SLC2A14: variants seen among roughly 807,000 people sequenced by gnomAD.
The protein encoded by SLC2A14 is solute carrier family 2, facilitated glucose transporter member 14.
SLC2A14 carries 13 observed loss-of-function variants against 43.0 expected under a neutral mutation model. The ratio of observed to expected loss-of-function variants is 0.30; its 90% confidence interval spans 0.20 to 0.48. SLC2A14 has a LOEUF of 0.48. SLC2A14 is among the 20% of genes least tolerant of loss of function. The pLI, the probability that SLC2A14 is intolerant of heterozygous loss-of-function variation, is 0.99. For missense variants in SLC2A14, 428 were observed against 620.4 expected, an observed-to-expected ratio of 0.69 and a Z score of 3.29; for synonymous variants, 190 against 233.8, an observed-to-expected ratio of 0.81 and a Z score of 1.71.
intron 2 of SLC2A14, among the ~76,000 whole-genome samples, chr12:7,864,545 A>G (rs1011263916): frequency 6.6e-6 from 1 of 151,966 alleles, no homozygotes; most frequent in Non-Finnish European, 1.5e-5. Context: ...TCACCATGTT[A>G]GCCAGGATGG....
chr12:7,846,504 T>C (rs931833942), intron 2 of SLC2A14, among the ~76,000 whole-genome samples: 3 of 152,112 alleles, frequency 2.0e-5, no homozygotes, highest in East Asian at 1.9e-4. Flanking sequence ...TTTTCTTTAT[T>C]GGTCTTTTTC....
chr12:7,827,640 A>G lies in SLC2A14; in HGVS notation c.719T>C (p.Ile240Thr), dbSNP rs1481347363. The G allele has an allele frequency of 1.2e-6, 2 of 1,612,798 alleles. No individual in the cohort carries two copies. Among genetic ancestry groups the G allele is most frequent in the Admixed American group, 1.7e-5 (1 of 59,752 alleles). The change falls in exon 7 of 11, where the codon ATC becomes ACC. Residue 240 changes from isoleucine to threonine, a missense_variant. By Grantham distance (89) the Ile-to-Thr change is moderately conservative. Around this residue, in one of 4 missense-constraint regions of SLC2A14, gnomAD observed 185 missense variants for 275.4 expected, o/e 0.67. Coordinates refer to ENST00000431042, the MANE Select transcript of SLC2A14 (RefSeq NM_001286234.2). ...LWGTQDVSQD[I>T]QEMKDESARM... ...TGCACTCTCATCTTTCATCTCCTGG[A>G]TGTCTTGGGATACATCCTGGGTGCC... is the stretch of plus-strand genomic sequence containing the variant.
chr12:7,874,880 A>G (rs1354936691), upstream of SLC2A14, among the ~76,000 whole-genome samples: 1 of 78,456 alleles, frequency 1.3e-5, no homozygotes, highest in Non-Finnish European at 2.2e-5. Context: ...ATATATAAAT[A>G]TATATTTATA....
intron 2 of SLC2A14, among the ~76,000 whole-genome samples, chr12:7,855,606 C>T (rs2120956944): frequency 6.6e-6 from 1 of 151,906 alleles, no homozygotes; most frequent in African/African-American, 2.4e-5. Context: ...ACATGTACCA[C>T]TGCTTCTTCC....
intron 1 of SLC2A14, among the ~76,000 whole-genome samples, chr12:7,881,428 C>G (rs1260073391): frequency 1.3e-5 from 2 of 152,002 alleles, no homozygotes; most frequent in African/African-American, 4.8e-5. Flanking sequence ...GCACCTGGGC[C>G]AGCGGCTGCG....
chr12:7,823,461 G>A (rs866333239), intron 7 of SLC2A14, among the ~76,000 whole-genome samples: 13 of 151,906 alleles, frequency 8.6e-5, no homozygotes, highest in African/African-American at 2.4e-4. Flanking sequence ...AGTGGCTCAC[G>A]CCTCTAATCC....
chr12:7,881,391 T>G (rs4883459), intron 1 of SLC2A14, among the ~76,000 whole-genome samples: 3 of 151,726 alleles, frequency 2.0e-5, no homozygotes, highest in East Asian at 3.9e-4. Flanking sequence ...CGGCCGGCCC[T>G]GGTGGCCCCG....
chr12:7,881,646 G>A (rs7967758), intron 1 of SLC2A14, among the ~76,000 whole-genome samples: 44,040 of 151,948 alleles, frequency 0.29, 6,472 homozygotes, highest in South Asian at 0.37. Context: ...ACCACCCAAG[G>A]GCTGAGGAGT....
At chr12:7,863,672 T>C (rs1033824155) in intron 2 of SLC2A14, among the ~76,000 whole-genome samples, 4 of 151,988 alleles carry the variant, frequency 2.6e-5, no homozygotes, top group African/African-American at 9.7e-5. Flanking sequence ...ATTCAATTCA[T>C]TGACATATAA....
intron 2 of SLC2A14, among the ~76,000 whole-genome samples, chr12:7,869,001 G>C: frequency 6.6e-6 from 1 of 151,992 alleles, no homozygotes; most frequent in Non-Finnish European, 1.5e-5. Flanking sequence ...AAAATTAGCC[G>C]GGCATGGTGG....
At chr12:7,865,895 A>G (rs1036472001) in intron 2 of SLC2A14, among the ~76,000 whole-genome samples, 5 of 152,144 alleles carry the variant, frequency 3.3e-5, no homozygotes, top group African/African-American at 1.2e-4. Flanking sequence ...GAGGAAAATT[A>G]AAAGTGCTAC....
At chr12:7,845,108 A>T (rs1027403537) in intron 2 of SLC2A14, among the ~76,000 whole-genome samples, 5 of 152,062 alleles carry the variant, frequency 3.3e-5, no homozygotes, top group Admixed American at 3.3e-4. Context: ...TTCCTTATAC[A>T]TTCTTTCTAT....
At chr12:7,867,844 CAAAA>C (rs34320554) in intron 2 of SLC2A14, among the ~76,000 whole-genome samples, 3 of 112,204 alleles carry the variant, frequency 2.7e-5, no homozygotes, top group Non-Finnish European at 5.7e-5. Context: ...GACTCTGTCT[CAAAA>C]AAAAAAAAAA....
At chr12:7,848,632 C>T (rs1393267026) in intron 2 of SLC2A14, among the ~76,000 whole-genome samples, 3 of 151,582 alleles carry the variant, frequency 2.0e-5, no homozygotes, top group Admixed American at 6.6e-5. Context: ...CTCAGCTCAC[C>T]GCAACCTCCA....
At chr12:7,835,439 A>G (rs1329996196) in intron 2 of SLC2A14, among the ~76,000 whole-genome samples, 1 of 152,226 alleles carries the variant, frequency 6.6e-6, no homozygotes, top group African/African-American at 2.4e-5. Context: ...CTGCCTAGAA[A>G]AAAAGGAATG....
chr12:7,837,176 A>G (rs1202570174), intron 2 of SLC2A14, among the ~76,000 whole-genome samples: 1 of 152,140 alleles, frequency 6.6e-6, no homozygotes, highest in Non-Finnish European at 1.5e-5. Context: ...CAAAAAAAAA[A>G]AAAAGTTAAC....
At chr12:7,863,701 T>C (rs776124798) in intron 2 of SLC2A14, among the ~76,000 whole-genome samples, 3 of 152,256 alleles carry the variant, frequency 2.0e-5, no homozygotes, top group African/African-American at 7.2e-5. Flanking sequence ...ACAAACATAC[T>C]GTTTATGGAG....
At chr12:7,831,048 C>A (rs1002126444) in intron 4 of SLC2A14, among the ~76,000 whole-genome samples, 14 of 148,442 alleles carry the variant, frequency 9.4e-5, no homozygotes, top group Admixed American at 8.2e-4. Flanking sequence ...TACTTGAACC[C>A]GGGAGGCAGA....
At position 7,857,542 on chromosome 12, in the gene SLC2A14, C is replaced by T. The variant is rs939224812; in HGVS notation, c.18+12321G>A. ...GGTAAAGGTTGCAGCGAGCCAAGAT[C>T]GCGCCATTGCACTCCAGCCTGGGCA... On this transcript the variant is annotated intron_variant, in intron 2 of 10. Transcript: ENST00000431042. 3.9e-5 allele frequency among the ~76,000 whole-genome samples: 6 copies of T among 152,096 alleles called. No homozygotes were observed. The East Asian group carries it at 5.8e-4, about 15-fold the overall frequency.
Sources: allele counts gnomAD v4.1 joint callset (sites outside exome capture counted in the v4.1 genomes callset), GRCh38; gene constraint gnomAD v4.1.1; regional missense constraint gnomAD v4.1.1; transcripts MANE v1.5; gene names NCBI Gene and HGNC (gene_info 2026-07-23, HGNC 2026-07-21).